Variants in NAALADL2 observed in about 807,000 individuals in gnomAD.
NAALADL2 encodes the protein N-acetylated alpha-linked acidic dipeptidase like 2.
Under a neutral mutation model 87.2 loss-of-function variants are expected in NAALADL2, and 76 were observed. The ratio of observed to expected loss-of-function variants is 0.87; its 90% CI spans 0.72 to 1.05. NAALADL2 has a LOEUF of 1.05. NAALADL2 is among the 50% of genes least tolerant of loss of function. NAALADL2 has a pLI of 0.00. For synonymous variants in NAALADL2, 354 were observed against 331.0 expected (o/e 1.07, Z -0.75); for missense variants, 1,089 against 945.8 (o/e 1.15, Z -1.99).
In NAALADL2 at chr3:175,108,575, A is replaced by G. The variant is rs77622350; in HGVS notation, c.545+11284A>G. 9.0e-3 allele frequency among the ~76,000 whole-genome samples: 1,361 copies of G among 152,056 alleles called. 20 individuals are homozygous for G. Among genetic ancestry groups the G allele is most frequent in the African/African-American group, 0.031 (1,304 of 41,542 alleles). ...TCTCTCTATTTCTTTGGTCGGTTTC[A>G]TCATATTAACTCTATTCTGTAGGGA... On this transcript the variant is annotated intron_variant, in intron 2 of 13. Transcript: ENST00000454872.
chr3:175,774,879 TTGA>T (rs1413075729), intron 13 of NAALADL2: 1 of 152,092 alleles, frequency 6.6e-6, no homozygotes, highest in Non-Finnish European at 1.5e-5. Context: ...AATGACTTCA[TTGA>T]TTTCTTTTTT....
chr3:174,641,389 C>G (rs1723171867), intron 2 of NAALADL2, among the ~76,000 whole-genome samples: 1 of 152,144 alleles, frequency 6.6e-6, no homozygotes, highest in South Asian at 2.1e-4. Context: ...TAGAAGGACT[C>G]ACAGGACTTA....
At chr3:175,318,894 T>C (rs1352821537) in intron 4 of NAALADL2, among the ~76,000 whole-genome samples, 1 of 152,252 alleles carries the variant, frequency 6.6e-6, no homozygotes, top group Non-Finnish European at 1.5e-5. Context: ...AAGCAGCTTT[T>C]TTAGTCTGCC....
At chr3:175,054,662 T>C (rs1340236700) in intron 1 of NAALADL2, among the ~76,000 whole-genome samples, 3 of 152,198 alleles carry the variant, frequency 2.0e-5, no homozygotes, top group Non-Finnish European at 2.9e-5. Context: ...AAGGTATAGG[T>C]TCTGGATGCT....
chr3:175,128,686 T>C (rs1052398108), intron 2 of NAALADL2, among the ~76,000 whole-genome samples: 13 of 152,174 alleles, frequency 8.5e-5, no homozygotes, highest in Admixed American at 3.3e-4. Context: ...GGAAGTGTTA[T>C]AAAGCTCCAG....
At chr3:175,240,220 G>A (rs780031518) in intron 3 of NAALADL2, among the ~76,000 whole-genome samples, 1 of 152,176 alleles carries the variant, frequency 6.6e-6, no homozygotes, top group African/African-American at 2.4e-5. Flanking sequence ...AATGCAGAAC[G>A]ATTAATCATG....
chr3:174,743,511 C>A, intron 3 of NAALADL2, among the ~76,000 whole-genome samples: 1 of 151,788 alleles, frequency 6.6e-6, no homozygotes, highest in East Asian at 1.9e-4. Context: ...AGTTTTGAAT[C>A]AGAATATGTA....
Position 175,097,025 on chromosome 3 carries a change from C to A in NAALADL2, c.279C>A (p.Pro93=), listed in dbSNP as rs764112751. 1 of 1,613,572 alleles carries A rather than the reference C, an allele frequency of 6.2e-7. No homozygotes were observed. The highest frequency in any genetic ancestry group is 2.2e-5 in the East Asian group (1 of 44,834). ...ATTCCATTCAACCAGCAACTTCACC[C>A]AAAGGAAGGTTCCAGAGACTTCAAG... ...NLDSIQPATS[P]KGRFQRLQEE... The change falls in exon 2 of 14, where the codon CCC becomes CCA. Residue 93 remains proline (P), a synonymous_variant. Transcript: ENST00000454872.
rs74760386 is a variant in NAALADL2, at chr3:174,454,384, T to A, written c.-184+13352T>A. Among the ~76,000 whole-genome samples the A allele has an allele frequency of 4.3e-3, 649 of 152,224 alleles. 8 individuals carry two copies. The highest frequency in any genetic ancestry group is 0.015 in the African/African-American group (623 of 41,536). The stretch of plus-strand genomic sequence containing the variant: ...GACCTAAACTCAGCACTGGATCAAA[T>A]GGACCTGGTAGACATCTACAGAACT... On this transcript the variant is annotated intron_variant, in intron 1 of 3. Coordinates refer to the NAALADL2 transcript ENST00000434257.
chr3:175,601,739 A>G (rs1442937291), intron 10 of NAALADL2, among the ~76,000 whole-genome samples: 1 of 152,184 alleles, frequency 6.6e-6, no homozygotes, highest in African/African-American at 2.4e-5. Context: ...CATTCCTAAC[A>G]CATAAATTCA....
At chr3:174,714,854 G>A (rs1330210649) in intron 2 of NAALADL2, among the ~76,000 whole-genome samples, 2 of 152,206 alleles carry the variant, frequency 1.3e-5, no homozygotes, top group Non-Finnish European at 2.9e-5. Flanking sequence ...AGTGTTGAGA[G>A]AGGGCATCCC....
At chr3:174,477,874 A>G (rs542636620) in intron 1 of NAALADL2, among the ~76,000 whole-genome samples, 3 of 152,300 alleles carry the variant, frequency 2.0e-5, no homozygotes, top group South Asian at 2.1e-4. Context: ...AATGTTAGCC[A>G]TGAGTATTTC....
At chr3:174,742,282 G>A (rs1273021790) in intron 3 of NAALADL2, among the ~76,000 whole-genome samples, 1 of 151,686 alleles carries the variant, frequency 6.6e-6, no homozygotes, top group Non-Finnish European at 1.5e-5. Context: ...GATGTTCACT[G>A]TCTAGTGGGG....
At position 175,794,341 on chromosome 3, in the gene NAALADL2, G is replaced by A. The variant is rs1003376758; in HGVS notation, c.2190-8664G>A. Among the ~76,000 whole-genome samples the A allele has an allele frequency of 2.3e-4, 34 of 151,078 alleles. No homozygotes were observed. The South Asian group carries it at 5.4e-3, about 24-fold the overall frequency. On this transcript the variant is annotated intron_variant, in intron 13 of 13. Coordinates refer to ENST00000454872, the MANE Select transcript of NAALADL2 (RefSeq NM_207015.3). ...AGATAAGATGAAAGAAAATGGTCGC[G>A]ATGAAATATAAATAAAAACAAGAAA...
At chr3:175,216,121 T>A (rs888766471) in intron 2 of NAALADL2, among the ~76,000 whole-genome samples, 3 of 152,224 alleles carry the variant, frequency 2.0e-5, no homozygotes, top group Admixed American at 1.3e-4. Flanking sequence ...GATTCTTATT[T>A]GATTTGTAAA....
intron 1 of NAALADL2, among the ~76,000 whole-genome samples, chr3:174,495,721 T>C (rs1718490663): frequency 1.6e-5 from 1 of 64,280 alleles, no homozygotes; most frequent in African/African-American, 5.3e-5. Context: ...GCAGTTAAAA[T>C]TTTTAGTACT....
chr3:175,141,266 T>G (rs1306829028), intron 2 of NAALADL2, among the ~76,000 whole-genome samples: 1 of 152,136 alleles, frequency 6.6e-6, no homozygotes, highest in Non-Finnish European at 1.5e-5. Context: ...GTTATCAACC[T>G]GAGAATGTTC....
chr3:174,585,718 G>GA (rs1234259802), intron 2 of NAALADL2, among the ~76,000 whole-genome samples: 6 of 151,904 alleles, frequency 3.9e-5, no homozygotes, highest in Non-Finnish European at 5.9e-5. Flanking sequence ...AGAAAAAGGA[G>GA]AAAAAATTGA....
intron 3 of NAALADL2, among the ~76,000 whole-genome samples, chr3:175,249,242 T>G (rs1235138350): frequency 6.6e-6 from 1 of 152,134 alleles, no homozygotes; most frequent in East Asian, 1.9e-4. Flanking sequence ...AAATTTTATT[T>G]ATTACCTGAA....
Sources: gnomAD v4.1 joint callset for allele counts (sites outside exome capture counted in the v4.1 genomes callset) on GRCh38, gnomAD v4.1.1 for gene constraint, MANE v1.5 for transcripts, NCBI Gene and HGNC (gene_info 2026-07-23, HGNC 2026-07-21) for gene names.